CHRM3: variants seen among roughly 807,000 people sequenced by gnomAD.
CHRM3 encodes the protein cholinergic receptor muscarinic 3, also known as muscarinic acetylcholine receptor M3.
In CHRM3, 11 loss-of-function variants were observed where a neutral mutation model predicts 41.8. That is an observed-to-expected ratio of 0.26 (90% CI 0.17 to 0.44). The LOEUF is 0.44. CHRM3 is among the 20% of genes least tolerant of loss of function. CHRM3 has a pLI of 1.00. For missense variants in CHRM3, 571 were observed against 745.4 expected, an observed-to-expected ratio of 0.77 and a Z score of 2.72; for synonymous variants, 297 against 301.4, an observed-to-expected ratio of 0.99 and a Z score of 0.15.
chr1:239,659,190 G>T (rs1006234288), intron 4 of CHRM3, among the ~76,000 whole-genome samples: 1 of 152,086 alleles, frequency 6.6e-6, no homozygotes, highest in Non-Finnish European at 1.5e-5. Context: ...CGTGTTCTCT[G>T]CTCCCTGTGT....
intron 5 of CHRM3, among the ~76,000 whole-genome samples, chr1:239,776,985 G>A (rs566144497): frequency 6.6e-6 from 1 of 152,188 alleles, no homozygotes; most frequent in African/African-American, 2.4e-5. Context: ...TGACACATGG[G>A]GATTATGGGA....
intron 6 of CHRM3, among the ~76,000 whole-genome samples, chr1:239,895,280 C>T (rs1236815637): frequency 6.6e-6 from 1 of 152,022 alleles, no homozygotes; most frequent in South Asian, 2.1e-4. Flanking sequence ...CCATCCCTCC[C>T]GAGTGCCACT....
intron 5 of CHRM3, among the ~76,000 whole-genome samples, chr1:239,695,781 A>G (rs1660128282): frequency 6.6e-6 from 1 of 152,184 alleles, no homozygotes; most frequent in South Asian, 2.1e-4. Flanking sequence ...ATTAGTTTTG[A>G]AATATTGCTG....
intron 1 of CHRM3, among the ~76,000 whole-genome samples, chr1:239,411,868 C>A (rs1361745417): frequency 6.6e-6 from 1 of 151,650 alleles, no homozygotes; most frequent in Non-Finnish European, 1.5e-5. Flanking sequence ...GTGCACGATC[C>A]CCAATTTCTA....
rs149123367 is a variant in CHRM3 at position 239,420,417 on chromosome 1, A to T, written c.-521+33190A>T. Among the ~76,000 whole-genome samples, 8 of 152,288 alleles carry T rather than the reference A, an allele frequency of 5.3e-5. No individual in the cohort carries two copies. The East Asian group carries it at 1.5e-3, about 29-fold the overall frequency. ...GTGTCTGAGAAAGTCGGATTCCCTG[A>T]TTCCACCTAGGAAATTTGGATTCAG... On this transcript the variant is annotated intron_variant, in intron 1 of 6. Transcript: ENST00000676153.
intron 3 of CHRM3, among the ~76,000 whole-genome samples, chr1:239,580,704 T>TATATACAC (rs570878631): frequency 7.6e-6 from 1 of 131,078 alleles, no homozygotes; most frequent in East Asian, 2.1e-4. Flanking sequence ...TATATATATA[T>TATATACAC]ACACACACAC....
At chr1:239,739,914 T>C (rs1664696584) in intron 5 of CHRM3, among the ~76,000 whole-genome samples, 1 of 152,138 alleles carries the variant, frequency 6.6e-6, no homozygotes, top group South Asian at 2.1e-4. Context: ...GACACGAACA[T>C]GAGATGCTTT....
intron 5 of CHRM3, among the ~76,000 whole-genome samples, chr1:239,796,155 G>A (rs1669748880): frequency 6.6e-6 from 1 of 152,094 alleles, no homozygotes; most frequent in South Asian, 2.1e-4. Context: ...ATGGGGTCTT[G>A]TCTTCCTAGA....
chr1:239,571,347 C>T (rs898072661), intron 3 of CHRM3, among the ~76,000 whole-genome samples: 3 of 152,046 alleles, frequency 2.0e-5, no homozygotes, highest in Admixed American at 2.0e-4. Flanking sequence ...AAATATTTCC[C>T]AGAACTAGAA....
intron 5 of CHRM3, among the ~76,000 whole-genome samples, chr1:239,726,363 A>T (rs1364784283): frequency 6.6e-6 from 1 of 151,932 alleles, no homozygotes; most frequent in East Asian, 1.9e-4. Context: ...TATGAGGTTA[A>T]TGTGCCATAT....
chr1:239,889,528 G>A (rs563206531), intron 6 of CHRM3, among the ~76,000 whole-genome samples: 90 of 152,226 alleles, frequency 5.9e-4, no homozygotes, highest in African/African-American at 1.9e-3. Flanking sequence ...TTTGCAGCTC[G>A]ATTTTTCAGG....
intron 5 of CHRM3, among the ~76,000 whole-genome samples, chr1:239,800,621 A>G (rs879911612): frequency 1.3e-5 from 2 of 152,164 alleles, no homozygotes; most frequent in Non-Finnish European, 2.9e-5. Context: ...TCCAAGTCCA[A>G]GGAGATGCCA....
At chr1:239,454,968 A>C (rs939354685) in intron 1 of CHRM3, among the ~76,000 whole-genome samples, 1 of 152,208 alleles carries the variant, frequency 6.6e-6, no homozygotes, top group African/African-American at 2.4e-5. Flanking sequence ...TGTATAGTAC[A>C]TAATACTTGG....
intron 3 of CHRM3, among the ~76,000 whole-genome samples, chr1:239,618,624 C>T (rs1269974062): frequency 2.6e-5 from 4 of 151,692 alleles, no homozygotes; most frequent in Non-Finnish European, 4.4e-5. Flanking sequence ...GCGGTCGGAT[C>T]ACGAGGTCAG....
At chr1:239,559,270 C>G (rs1660651846) in intron 3 of CHRM3, among the ~76,000 whole-genome samples, 2 of 148,452 alleles carry the variant, frequency 1.3e-5, no homozygotes, top group African/African-American at 5.3e-5. Context: ...GAGCCTGAGT[C>G]AGGATCATAT....
intron 6 of CHRM3, among the ~76,000 whole-genome samples, chr1:239,859,395 GTTT>G (rs370468669): frequency 2.1e-5 from 3 of 144,742 alleles, no homozygotes; most frequent in African/African-American, 5.1e-5. Context: ...TTGTTGGCCT[GTTT>G]TTTTTGTTGT....
chr1:239,578,255 G>T (rs1320236602), intron 3 of CHRM3, among the ~76,000 whole-genome samples: 2 of 152,124 alleles, frequency 1.3e-5, no homozygotes, highest in African/African-American at 2.4e-5. Context: ...TCTGTGTCTT[G>T]TGGCTTTGCA....
intron 6 of CHRM3, among the ~76,000 whole-genome samples, chr1:239,842,437 G>A (rs114562473): frequency 0.051 from 7,758 of 152,158 alleles, 275 homozygotes; most frequent in Non-Finnish European, 0.08. Flanking sequence ...GTTTCACCAT[G>A]ATGGCCAGGT....
intron 3 of CHRM3, among the ~76,000 whole-genome samples, chr1:239,591,675 G>A (rs1664172871): frequency 6.6e-6 from 1 of 151,856 alleles, no homozygotes; most frequent in African/African-American, 2.4e-5. Flanking sequence ...AGCCACTGAA[G>A]TAAATGGATG....
Sources: gnomAD v4.1 joint callset for allele counts (sites outside exome capture counted in the v4.1 genomes callset) on GRCh38, gnomAD v4.1.1 for gene constraint, MANE v1.5 for transcripts, NCBI Gene and HGNC (gene_info 2026-07-23, HGNC 2026-07-21) for gene names.